MED13L: variants seen among roughly 807,000 people sequenced by gnomAD.
MED13L encodes mediator complex subunit 13L, also known as mediator of RNA polymerase II transcription subunit 13-like.
In MED13L, 7 loss-of-function variants were observed where a neutral mutation model predicts 220.9. The observed-to-expected ratio is 0.03, with a 90% CI of 0.02 to 0.06. MED13L has a LOEUF of 0.06. Among genes scored for constraint, MED13L ranks in the 10% least tolerant of loss-of-function variants. The pLI, the probability that MED13L is intolerant of heterozygous loss-of-function variation, is 1.00. For missense variants in MED13L, 1,965 were observed against 2,760.5 expected (o/e 0.71, Z 6.46); for synonymous variants, 1,011 against 1,015.2 (o/e 1.00, Z 0.08).
At chr12:115,962,948 G>C (rs951584469) in intron 30 of MED13L, among the ~76,000 whole-genome samples, 5 of 152,214 alleles carry the variant, frequency 3.3e-5, no homozygotes, top group Non-Finnish European at 7.3e-5. Flanking sequence ...ATGAACCCAG[G>C]AGGCGGAGTT....
chr12:116,207,511 G>C (rs1216632010), intron 2 of MED13L, among the ~76,000 whole-genome samples: 1 of 152,118 alleles, frequency 6.6e-6, no homozygotes, highest in African/African-American at 2.4e-5. Flanking sequence ...GAGGCATTAA[G>C]CGACACATTG....
intron 2 of MED13L, among the ~76,000 whole-genome samples, chr12:116,189,846 G>A (rs748721026): frequency 6.6e-6 from 1 of 152,162 alleles, no homozygotes; most frequent in Non-Finnish European, 1.5e-5. Context: ...GTCATTGCTA[G>A]TATACAGAAG....
In MED13L at chr12:116,175,857, G is replaced by A. The variant is rs574561897; in HGVS notation, c.310+61611C>T. Among the ~76,000 whole-genome samples the A allele has an allele frequency of 2.4e-4, 37 of 152,232 alleles. No homozygotes were observed. In the South Asian group the frequency reaches 5.6e-3, roughly 23 times the overall value. On this transcript the variant is annotated intron_variant, in intron 2 of 30. Transcript: ENST00000281928. ...ACACAGTAATGCATAATAATAATAGGAGGGTCATTAATAAATGCAGATGAT... is the reference window on the plus strand; with the variant it reads ...ACACAGTAATGCATAATAATAATAGAAGGGTCATTAATAAATGCAGATGAT...
chr12:115,958,770 T>C lies in MED13L; in HGVS notation c.*2496A>G, dbSNP rs1056403483. On this transcript the variant is annotated 3_prime_UTR_variant, in exon 31 of 31. Transcript: ENST00000281928. ...ATGAACTTCACATATTTTTGTATTC[T>C]TTCAAATTGTTTGCTATATATAAAA... 2.0e-5 allele frequency: 3 copies of C among 152,638 alleles called. No individual in the cohort carries two copies. Among genetic ancestry groups the C allele is most frequent in the Non-Finnish European group, 4.4e-5 (3 of 68,046 alleles). 9.5% of individuals were successfully genotyped at this position (152,638 alleles called of 1,614,324 possible). A position where few individuals can be genotyped will look rare whatever the true frequency, so the allele number is the denominator to read the frequency against.
chr12:116,137,194 G>C (rs1244340856), intron 2 of MED13L, among the ~76,000 whole-genome samples: 1 of 152,000 alleles, frequency 6.6e-6, no homozygotes, highest in Non-Finnish European at 1.5e-5. Context: ...TCGCTATTTT[G>C]TGCATCCTTC....
At chr12:116,113,488 TTA>T (rs36006204) in intron 2 of MED13L, among the ~76,000 whole-genome samples, 1 of 145,308 alleles carries the variant, frequency 6.9e-6, no homozygotes. Flanking sequence ...AAAAAAAAAA[TTA>T]TATATATATA....
chr12:116,045,502 C>T (rs1881778935), intron 4 of MED13L, among the ~76,000 whole-genome samples: 1 of 152,188 alleles, frequency 6.6e-6, no homozygotes, highest in Admixed American at 6.5e-5. Flanking sequence ...TCTTCCTTTA[C>T]TAGCCCCTGT....
At chr12:116,098,624 C>CAG (rs3043740) in intron 3 of MED13L, among the ~76,000 whole-genome samples, 26,704 of 152,068 alleles carry the variant, frequency 0.18, 2,561 homozygotes, top group Middle Eastern at 0.28. Context: ...TCCTTTTGGG[C>CAG]AGTCAATTCG....
chr12:116,257,928 T>C (rs1419078828), intron 1 of MED13L, among the ~76,000 whole-genome samples: 1 of 152,148 alleles, frequency 6.6e-6, no homozygotes, highest in East Asian at 1.9e-4. Context: ...GGGAAGAAAT[T>C]GTAGGCTGTA....
chr12:116,097,745 T>G (rs776434124), intron 3 of MED13L, among the ~76,000 whole-genome samples: 9 of 152,204 alleles, frequency 5.9e-5, no homozygotes, highest in Non-Finnish European at 1.0e-4. Flanking sequence ...TTACAAGGTA[T>G]TCTAACATGT....
Position 116,001,289 on chromosome 12 carries a change from T to C in MED13L, c.2569+1714A>G, listed in dbSNP as rs368862378. ...TCGGCTCACTGCAACCTCCGCCTCC[T>C]GGGTTCAAGTGATTCTCCTGCCTCA... On this transcript the variant is annotated intron_variant, in intron 14 of 30. Transcript: ENST00000281928. Among the ~76,000 whole-genome samples the C allele has an allele frequency of 5.9e-5, 9 of 152,198 alleles. No individual in the cohort carries two copies. In the East Asian group the frequency reaches 9.7e-4, roughly 16 times the overall value.
intron 9 of MED13L, 89 bp from the exon 10 acceptor site, chr12:116,009,221 G>A: frequency 1.5e-6 from 2 of 1,300,024 alleles, no homozygotes; most frequent in Non-Finnish European, 1.1e-6. Context: ...TACATTAGAT[G>A]TACTAATACA....
Position 115,969,024 on chromosome 12 carries a change from G to C in MED13L, c.6141C>G (p.Leu2047=), listed in dbSNP as rs766024563. 1.9e-6 allele frequency: 3 copies of C among 1,613,830 alleles called. No homozygotes were observed. In the African/African-American group the frequency reaches 4.0e-5, roughly 22 times the overall value. Residue 2047 remains leucine, a synonymous_variant, in exon 28 of 31, where the codon CTC becomes CTG. Coordinates refer to ENST00000281928, the MANE Select transcript of MED13L (RefSeq NM_015335.5). ...CTGGGGAAGAGTTGGGAGAGGAATG[G>C]AGGTTCCCAGTCATTAATATGCCAA... ...NDIGILMTGN[L]HSSPNSSPVP...
At chr12:116,218,630 T>G (rs1442035102) in intron 2 of MED13L, among the ~76,000 whole-genome samples, 1 of 152,042 alleles carries the variant, frequency 6.6e-6, no homozygotes, top group Non-Finnish European at 1.5e-5. Context: ...TGGCTCTCCA[T>G]TTTCAAATTT....
intron 4 of MED13L, among the ~76,000 whole-genome samples, chr12:116,071,888 T>C (rs1870399651): frequency 6.6e-6 from 1 of 152,210 alleles, no homozygotes; most frequent in African/African-American, 2.4e-5. Context: ...TTCTGCTCCA[T>C]ATCCCTATTT....
intron 4 of MED13L, among the ~76,000 whole-genome samples, chr12:116,024,780 G>GGGGC (rs1880283682): frequency 1.1e-5 from 1 of 94,430 alleles, no homozygotes; most frequent in Non-Finnish European, 2.2e-5. Context: ...GGGCGGGGGG[G>GGGGC]GGGGGGAGGT....
At chr12:116,097,439 C>T (rs1872715021) in intron 3 of MED13L, among the ~76,000 whole-genome samples, 1 of 151,378 alleles carries the variant, frequency 6.6e-6, no homozygotes, top group African/African-American at 2.5e-5. Flanking sequence ...AGCCATCATG[C>T]CCAGCCCATC....
At chr12:116,247,225 A>G (rs995864937) in intron 1 of MED13L, among the ~76,000 whole-genome samples, 4 of 151,340 alleles carry the variant, frequency 2.6e-5, no homozygotes, top group Admixed American at 6.6e-5. Flanking sequence ...GTAAGAGTAT[A>G]TAGCTCTGCT....
At chr12:116,050,847 G>A (rs1197220274) in intron 4 of MED13L, among the ~76,000 whole-genome samples, 2 of 152,130 alleles carry the variant, frequency 1.3e-5, no homozygotes, top group Non-Finnish European at 2.9e-5. Context: ...GCTGAGGTAG[G>A]AGAATTGCTT....
Sources: allele counts gnomAD v4.1 joint callset (sites outside exome capture counted in the v4.1 genomes callset), GRCh38; gene constraint gnomAD v4.1.1; transcripts MANE v1.5; gene names NCBI Gene and HGNC (gene_info 2026-07-23, HGNC 2026-07-21).